GRK3: variants seen among roughly 807,000 people sequenced by gnomAD.
GRK3 encodes G protein-coupled receptor kinase 3.
A neutral mutation model predicts 95.7 loss-of-function variants in GRK3; 54 were observed. The ratio of observed to expected loss-of-function variants is 0.56; its 90% CI spans 0.45 to 0.71. The LOEUF is 0.71. GRK3 is among the 30% of genes least tolerant of loss of function. GRK3 has a pLI of 0.00. For missense variants in GRK3, 649 were observed against 851.2 expected (o/e 0.76, Z 2.96); for synonymous variants, 281 against 290.8 (o/e 0.97, Z 0.34).
At chr22:25,649,062 C>G in intron 3 of GRK3, 4 of 1,505,584 alleles carry the variant, frequency 2.7e-6, no homozygotes, top group Non-Finnish European at 3.7e-6. Flanking sequence ...ACAGGTGGAG[C>G]GAGGATACAG....
intron 2 of GRK3, among the ~76,000 whole-genome samples, chr22:25,636,087 T>A (rs1366298938): frequency 6.6e-6 from 1 of 152,184 alleles, no homozygotes; most frequent in Non-Finnish European, 1.5e-5. Flanking sequence ...TATAGCTCCA[T>A]CATCCTACAA....
In GRK3 at chr22:25,644,757, A is replaced by C. The variant is rs1007331288; in HGVS notation, c.264+92A>C. The C allele has an allele frequency of 4.2e-5, 25 of 602,360 alleles. No individual in the cohort carries two copies. The Admixed American group carries it at 9.3e-4, about 22-fold the overall frequency. 37.3% of individuals were successfully genotyped at this position (602,360 alleles called of 1,614,324 possible). ...ATTAAGACTACTTAATATCTTACAA[A>C]TATTTAGAAATTCATTGAAAGTAAT... On this transcript the variant is annotated intron_variant, in intron 3 of 20. Coordinates refer to ENST00000324198, the MANE Select transcript of GRK3 (RefSeq NM_005160.4).
intron 15 of GRK3, among the ~76,000 whole-genome samples, chr22:25,706,265 T>C (rs1178819683): frequency 6.6e-6 from 1 of 152,220 alleles, no homozygotes; most frequent in Admixed American, 6.5e-5. Flanking sequence ...GCAGGTGTTC[T>C]GGAGTTGGGT....
intron 2 of GRK3, among the ~76,000 whole-genome samples, chr22:25,616,648 T>C (rs889948469): frequency 1.8e-4 from 27 of 152,292 alleles, no homozygotes; most frequent in Non-Finnish European, 3.1e-4. Flanking sequence ...CTTTAGACCA[T>C]TGGGGTTGCC....
At chr22:25,618,293 G>A (rs1201112113) in intron 2 of GRK3, among the ~76,000 whole-genome samples, 5 of 152,200 alleles carry the variant, frequency 3.3e-5, no homozygotes, top group Admixed American at 6.5e-5. Context: ...CACACATTAC[G>A]TTTGCGATGT....
rs931517936 is a variant in GRK3 at position 25,726,520 on chromosome 22, T to C, written c.*4070T>C. On this transcript the variant is annotated 3_prime_UTR_variant, in exon 21 of 21. Coordinates refer to ENST00000324198, the MANE Select transcript of GRK3 (RefSeq NM_005160.4). ...CCACCCTGAGTGAGGGGTTGACTTG[T>C]TGGGAGATGATTTGGGCTTCACTGG... The C allele has an allele frequency of 2.6e-5, 4 of 152,136 alleles. No individual in the cohort carries two copies. The highest frequency in any genetic ancestry group is 9.7e-5 in the African/African-American group (4 of 41,404). 9.4% of individuals were successfully genotyped at this position (152,136 alleles called of 1,614,324 possible). A position where few individuals can be genotyped will look rare whatever the true frequency, so the allele number is the denominator to read the frequency against.
At chr22:25,566,413 GAT>G (rs1403942854) in intron 1 of GRK3, among the ~76,000 whole-genome samples, 1 of 152,176 alleles carries the variant, frequency 6.6e-6, no homozygotes, top group Non-Finnish European at 1.5e-5. Flanking sequence ...TGAGCCCTAT[GAT>G]ACAGAAAATA....
intron 1 of GRK3, among the ~76,000 whole-genome samples, chr22:25,602,092 T>G (rs1244023287): frequency 6.6e-6 from 1 of 152,222 alleles, no homozygotes; most frequent in African/African-American, 2.4e-5. Context: ...ATAGGACTTA[T>G]TTCTGGACTA....
chr22:25,654,500 G>A lies in GRK3; in HGVS notation c.265-7076G>A, dbSNP rs192575499. On this transcript the variant is annotated intron_variant, in intron 3 of 20. Transcript: ENST00000324198. ...AATTATGATGTACGTTTACCATAATGTAAAAACGTAAGCTAAATCCAAAAG... is the reference window on the plus strand; with the variant it reads ...AATTATGATGTACGTTTACCATAATATAAAAACGTAAGCTAAATCCAAAAG... 7.2e-5 allele frequency among the ~76,000 whole-genome samples: 11 copies of A among 152,312 alleles called. No individual in the cohort carries two copies. In the South Asian group the frequency reaches 1.9e-3, roughly 26 times the overall value.
chr22:25,663,773 T>C, intron 5 of GRK3, 69 bp downstream of exon 5: 1 of 1,115,170 alleles, frequency 9.0e-7, no homozygotes, highest in Non-Finnish European at 1.4e-6. Context: ...GACATTCTTT[T>C]TGCATGTGCA....
intron 18 of GRK3, among the ~76,000 whole-genome samples, chr22:25,717,366 T>A (rs67214996): frequency 6.6e-6 from 1 of 152,120 alleles, no homozygotes; most frequent in Non-Finnish European, 1.5e-5. Context: ...CCATCACCAC[T>A]GACCCTCCCT....
chr22:25,631,191 A>T (rs1383870762), intron 2 of GRK3, among the ~76,000 whole-genome samples: 1 of 151,836 alleles, frequency 6.6e-6, no homozygotes, highest in African/African-American at 2.4e-5. Flanking sequence ...TTTTTTCTTT[A>T]TTTATGAATT....
At position 25,628,475 on chromosome 22, in the gene GRK3, T is replaced by C. The variant is rs115278663; in HGVS notation, c.191-16117T>C. Reference sequence around the variant, plus strand: ...CAAATATTCATTGGAGAGCAAGTTATGTAAATTATGAGATGGAATGCCATG... The same window carrying C: ...CAAATATTCATTGGAGAGCAAGTTACGTAAATTATGAGATGGAATGCCATG... On this transcript the variant is annotated intron_variant, in intron 2 of 20. Coordinates refer to ENST00000324198, the MANE Select transcript of GRK3 (RefSeq NM_005160.4). 6.6e-3 allele frequency among the ~76,000 whole-genome samples: 1,006 copies of C among 152,294 alleles called. 11 individuals carry two copies. Among genetic ancestry groups the C allele is most frequent in the African/African-American group, 0.023 (948 of 41,562 alleles).
intron 2 of GRK3, among the ~76,000 whole-genome samples, chr22:25,610,249 G>A (rs1461057032): frequency 6.6e-6 from 1 of 152,144 alleles, no homozygotes; most frequent in East Asian, 1.9e-4. Flanking sequence ...GATCACTTGA[G>A]GCCAGACGTT....
At position 25,703,382 on chromosome 22, in the gene GRK3, G is replaced by A. The variant is rs565058939; in HGVS notation, c.1161-128G>A. 131 of 647,092 alleles carry A rather than the reference G, an allele frequency of 2.0e-4. 1 individual carries two copies. In the South Asian group the frequency reaches 2.3e-3, roughly 12 times the overall value. 40.1% of individuals were successfully genotyped at this position (647,092 alleles called of 1,614,324 possible). ...TTCCATGGAAATGATAAATGTTTAC[G>A]GCTTTTGCATTTCTCCAGTTTTGAA... On this transcript the variant is annotated intron_variant, in intron 13 of 20. Coordinates refer to ENST00000324198, the MANE Select transcript of GRK3 (RefSeq NM_005160.4).
chr22:25,568,614 T>C (rs1931576156), intron 1 of GRK3, among the ~76,000 whole-genome samples: 1 of 152,234 alleles, frequency 6.6e-6, no homozygotes, highest in Admixed American at 6.5e-5. Flanking sequence ...GAGCCATTTC[T>C]ATGAGCCAGG....
At chr22:25,589,456 C>T (rs78665004) in intron 1 of GRK3, among the ~76,000 whole-genome samples, 5,596 of 152,090 alleles carry the variant, frequency 0.037, 199 homozygotes, top group African/African-American at 0.085. Flanking sequence ...AGCAGTAGGC[C>T]ATGACAGGTA....
chr22:25,585,483 T>C lies in GRK3; in HGVS notation c.114-18894T>C, dbSNP rs146511253. ...GCTGAACAGAGTTCAACTGACCTCA[T>C]ATATATGTCATGTGAGATAATTATA... On this transcript the variant is annotated intron_variant, in intron 1 of 20. Coordinates refer to ENST00000324198, the MANE Select transcript of GRK3 (RefSeq NM_005160.4). Among the ~76,000 whole-genome samples, 4 of 152,174 alleles carry C rather than the reference T, an allele frequency of 2.6e-5. No homozygotes were observed. In the East Asian group the frequency reaches 7.7e-4, roughly 29 times the overall value.
intron 1 of GRK3, among the ~76,000 whole-genome samples, chr22:25,586,817 G>C (rs1350732796): frequency 6.6e-6 from 1 of 152,260 alleles, no homozygotes; most frequent in South Asian, 2.1e-4. Flanking sequence ...GCAAGACCTG[G>C]TTGAGGCAGC....
Sources: allele counts gnomAD v4.1 joint callset (sites outside exome capture counted in the v4.1 genomes callset), GRCh38; gene constraint gnomAD v4.1.1; transcripts MANE v1.5; gene names NCBI Gene and HGNC (gene_info 2026-07-23, HGNC 2026-07-21).